The following SLC30A7 variants were observed in gnomAD, a reference collection of about 807,000 sequenced individuals.
The protein encoded by SLC30A7 is zinc transporter 7.
A neutral mutation model predicts 46.0 loss-of-function variants in SLC30A7; 35 were observed. The ratio of observed to expected loss-of-function variants is 0.76; its 90% CI spans 0.58 to 1.01. SLC30A7 has a LOEUF of 1.01. Among genes scored for constraint, SLC30A7 ranks in the 50% least tolerant of loss-of-function variants. SLC30A7 has a pLI of 0.00. For missense variants in SLC30A7, 464 were observed against 451.1 expected (o/e 1.03, Z -0.26); for synonymous variants, 147 against 157.8 (o/e 0.93, Z 0.51).
intron 8 of SLC30A7, among the ~76,000 whole-genome samples, chr1:100,952,142 G>A (rs543534833): frequency 2.0e-5 from 3 of 152,268 alleles, no homozygotes; most frequent in South Asian, 4.1e-4. Context: ...CCAATGGAAC[G>A]TATTTTGGAC....
At chr1:100,933,266 G>A (rs563344482) in intron 8 of SLC30A7, among the ~76,000 whole-genome samples, 14 of 152,138 alleles carry the variant, frequency 9.2e-5, no homozygotes, top group African/African-American at 3.1e-4. Flanking sequence ...GAGCCACCGT[G>A]CCTGGCCACC....
intron 8 of SLC30A7, among the ~76,000 whole-genome samples, chr1:100,931,105 A>G (rs1233261759): frequency 1.3e-5 from 2 of 152,172 alleles, no homozygotes; most frequent in Non-Finnish European, 2.9e-5. Flanking sequence ...TGGAAAGAAC[A>G]CAGTGAGCAT....
chr1:100,916,287 A>G (rs1460252413), intron 6 of SLC30A7, among the ~76,000 whole-genome samples: 1 of 152,072 alleles, frequency 6.6e-6, no homozygotes, highest in African/African-American at 2.4e-5. Flanking sequence ...CCCGGGTTCA[A>G]GTGAATCTCC....
At chr1:100,898,141 T>C (rs1651086349) in intron 2 of SLC30A7, among the ~76,000 whole-genome samples, 1 of 152,212 alleles carries the variant, frequency 6.6e-6, no homozygotes, top group African/African-American at 2.4e-5. Flanking sequence ...GCATATTTTG[T>C]ATCAAGAGTG....
chr1:100,912,613 C>T (rs991131394), intron 5 of SLC30A7, among the ~76,000 whole-genome samples: 2 of 151,936 alleles, frequency 1.3e-5, no homozygotes, highest in Non-Finnish European at 2.9e-5. Flanking sequence ...CACTTGAATC[C>T]AGGAGGTTGA....
Position 100,947,256 on chromosome 1 carries a change from G to T in SLC30A7, c.843-14572G>T, listed in dbSNP as rs548683197. Among the ~76,000 whole-genome samples, 5 of 152,296 alleles carry T rather than the reference G, an allele frequency of 3.3e-5. No homozygotes were observed. The South Asian group carries it at 8.3e-4, about 25-fold the overall frequency. On this transcript the variant is annotated intron_variant, in intron 8 of 10. Transcript: ENST00000357650. The stretch of plus-strand genomic sequence containing the variant: ...TGTCCCAGAGATTCTGGTACATTGT[G>T]TCGTTGTTTTCATTGGTTTCTAAGA...
intron 8 of SLC30A7, chr1:100,941,812 C>T: frequency 3.5e-6 from 2 of 564,472 alleles, no homozygotes; most frequent in Non-Finnish European, 6.7e-6. Context: ...GCATACGTGA[C>T]AAACCCAAGG....
At chr1:100,989,016 AG>A in the SLC30A7 span, among the ~76,000 whole-genome samples, 2,606 of 152,276 alleles carry the variant, frequency 0.017, 29 homozygotes, top group Middle Eastern at 0.031. Context: ...GAATTTACTA[AG>A]TAAAGAGCTC....
intron 7 of SLC30A7, among the ~76,000 whole-genome samples, chr1:100,919,857 A>G (rs188670167): frequency 4.6e-5 from 7 of 152,190 alleles, no homozygotes; most frequent in African/African-American, 1.4e-4. Flanking sequence ...TACATGAAAA[A>G]CTTGAATTAA....
intron 9 of SLC30A7, among the ~76,000 whole-genome samples, chr1:100,964,702 T>G (rs879325150): frequency 3.3e-5 from 5 of 152,206 alleles, no homozygotes; most frequent in Admixed American, 3.3e-4. Context: ...CATGTACTTG[T>G]ACTGCCACAT....
At chr1:100,898,849 T>G (rs75038852) in intron 2 of SLC30A7, among the ~76,000 whole-genome samples, 3,678 of 152,320 alleles carry the variant, frequency 0.024, 159 homozygotes, top group African/African-American at 0.083. Flanking sequence ...AGTCAATTCC[T>G]TGTTGAATTT....
intron 1 of SLC30A7, 28 bp from the exon 2 acceptor site, chr1:100,896,542 G>A (rs368158967): frequency 9.4e-5 from 151 of 1,601,892 alleles, no homozygotes; most frequent in Non-Finnish European, 1.2e-4. Context: ...TAACTCTCCC[G>A]GCTCTTTTCC....
At chr1:100,954,692 T>G (rs1655133959) in intron 8 of SLC30A7, among the ~76,000 whole-genome samples, 1 of 152,084 alleles carries the variant, frequency 6.6e-6, no homozygotes, top group South Asian at 2.1e-4. Flanking sequence ...AAACACAGTA[T>G]AATTATAAAG....
chr1:100,930,157 T>A (rs931986045), intron 8 of SLC30A7, among the ~76,000 whole-genome samples: 7 of 152,172 alleles, frequency 4.6e-5, no homozygotes, highest in South Asian at 2.1e-4. Context: ...TAGATTTTTT[T>A]AAAAAAATCA....
chr1:100,900,166 C>A (rs1651217312), intron 2 of SLC30A7, among the ~76,000 whole-genome samples: 1 of 152,126 alleles, frequency 6.6e-6, no homozygotes, highest in Non-Finnish European at 1.5e-5. Context: ...TTTCTAGTAT[C>A]TCAATATAGT....
chr1:100,948,219 C>A (rs1490466297), intron 8 of SLC30A7, among the ~76,000 whole-genome samples: 1 of 152,156 alleles, frequency 6.6e-6, no homozygotes, highest in Non-Finnish European at 1.5e-5. Context: ...GTGTTTCCTT[C>A]AGGAACTCTT....
chr1:100,972,662 G>C (rs1348091184), intron 10 of SLC30A7: 1 of 152,080 alleles, frequency 6.6e-6, no homozygotes, highest in African/African-American at 2.4e-5. Flanking sequence ...AACAATATTT[G>C]TTTCCTCTTA....
chr1:100,927,226 C>G (rs1047801105), intron 8 of SLC30A7, among the ~76,000 whole-genome samples: 1 of 151,970 alleles, frequency 6.6e-6, no homozygotes, highest in African/African-American at 2.4e-5. Flanking sequence ...TATTCTGAGA[C>G]CGAGTATTGA....
intron 2 of SLC30A7, among the ~76,000 whole-genome samples, chr1:100,905,578 G>A (rs1226970302): frequency 6.6e-6 from 1 of 151,790 alleles, no homozygotes; most frequent in Non-Finnish European, 1.5e-5. Context: ...GGGATGCTCT[G>A]CTTTTTTTGT....
Sources: gnomAD v4.1 joint callset for allele counts (sites outside exome capture counted in the v4.1 genomes callset) on GRCh38, gnomAD v4.1.1 for gene constraint, MANE v1.5 for transcripts, NCBI Gene and HGNC (gene_info 2026-07-23, HGNC 2026-07-21) for gene names.